Variants in PLXDC2 observed in about 807,000 individuals in gnomAD.
PLXDC2 encodes plexin domain containing 2, also known as plexin domain-containing protein 2.
PLXDC2 carries 40 observed loss-of-function variants against 68.9 expected under a neutral mutation model. The observed-to-expected ratio is 0.58, with a 90% confidence interval of 0.45 to 0.76. PLXDC2 has a LOEUF of 0.76. Ranked by LOEUF, PLXDC2 falls within the 30% of genes least tolerant of loss-of-function variation. The pLI is 0.00. For missense variants in PLXDC2, 644 were observed against 661.9 expected (o/e 0.97, Z 0.30); for synonymous variants, 243 against 234.2 (o/e 1.04, Z -0.34).
intron 1 of PLXDC2, among the ~76,000 whole-genome samples, chr10:19,960,602 A>G (rs1038417938): frequency 6.6e-6 from 1 of 152,002 alleles, no homozygotes; most frequent in African/African-American, 2.4e-5. Flanking sequence ...CTCTCCAGAT[A>G]CTCTAAAGTT....
chr10:19,991,472 C>T (rs977303924), intron 1 of PLXDC2, among the ~76,000 whole-genome samples: 1 of 150,612 alleles, frequency 6.6e-6, no homozygotes, highest in Non-Finnish European at 1.5e-5. Context: ...CAAAATATTT[C>T]ACCCCTAATA....
intron 1 of PLXDC2, among the ~76,000 whole-genome samples, chr10:19,863,859 G>A (rs1399236346): frequency 6.6e-6 from 1 of 151,922 alleles, no homozygotes; most frequent in Non-Finnish European, 1.5e-5. Context: ...TATTAGACTT[G>A]ATAAGTGTGT....
Position 20,126,388 on chromosome 10 carries a change from A to G in PLXDC2, c.542-16907A>G, listed in dbSNP as rs114123668. Among the ~76,000 whole-genome samples, 39 of 144,534 alleles carry G rather than the reference A, an allele frequency of 2.7e-4. 2 individuals are homozygous for G. The highest frequency in any genetic ancestry group is 9.9e-4 in the African/African-American group (38 of 38,492). 94.8% of individuals were successfully genotyped at this position (144,534 alleles called of 152,430 possible). A position where few individuals can be genotyped will look rare whatever the true frequency, so the allele number is the denominator to read the frequency against. On this transcript the variant is annotated intron_variant, in intron 4 of 13. Transcript: ENST00000377252. ...TATAATACATATATACATATGTGTTATATAATACATATATGTATATACAAC... is the reference window on the plus strand; with the variant it reads ...TATAATACATATATACATATGTGTTGTATAATACATATATGTATATACAAC...
chr10:20,116,111 T>G (rs1250590546), intron 4 of PLXDC2, among the ~76,000 whole-genome samples: 1 of 152,214 alleles, frequency 6.6e-6, no homozygotes, highest in Non-Finnish European at 1.5e-5. Flanking sequence ...GGAAACCAGG[T>G]TATCAATCAC....
chr10:20,090,326 A>G (rs1833259453), intron 4 of PLXDC2, among the ~76,000 whole-genome samples: 1 of 152,194 alleles, frequency 6.6e-6, no homozygotes, highest in South Asian at 2.1e-4. Context: ...CAACACCCTT[A>G]TGTTCACCAG....
At chr10:20,263,657 A>G (rs191645609) in intron 13 of PLXDC2, among the ~76,000 whole-genome samples, 5 of 152,314 alleles carry the variant, frequency 3.3e-5, no homozygotes, top group Admixed American at 2.0e-4. Context: ...AAAAGTGGGC[A>G]AAGTGGATGA....
At chr10:19,987,324 G>T (rs144961854) in intron 1 of PLXDC2, among the ~76,000 whole-genome samples, 1 of 152,002 alleles carries the variant, frequency 6.6e-6, no homozygotes, top group Admixed American at 6.6e-5. Context: ...AAACAATGTC[G>T]CTTTCTTTTT....
intron 3 of PLXDC2, among the ~76,000 whole-genome samples, chr10:20,049,545 A>G (rs780728595): frequency 8.5e-5 from 13 of 152,100 alleles, no homozygotes; most frequent in Non-Finnish European, 1.8e-4. Flanking sequence ...AGAAATCACA[A>G]GCATTCCAAT....
intron 1 of PLXDC2, among the ~76,000 whole-genome samples, chr10:19,908,919 T>C (rs1833217844): frequency 6.6e-6 from 1 of 152,196 alleles, no homozygotes; most frequent in African/African-American, 2.4e-5. Flanking sequence ...GACCACCTAA[T>C]TATCCTTAGT....
Position 19,930,650 on chromosome 10 carries a change from T to TA in PLXDC2, c.113-71119dup. The stretch of plus-strand genomic sequence containing the variant: ...TAAACCACCTAAAACAGAGCCTGTT[T>TA]AAAAAATAAATAAATAAAAAATAAA... On this transcript the variant is annotated intron_variant, in intron 1 of 13. Coordinates refer to ENST00000377252, the MANE Select transcript of PLXDC2 (RefSeq NM_032812.9). Among the ~76,000 whole-genome samples the TA allele has an allele frequency of 4.6e-5, 7 of 151,854 alleles. 1 individual carries two copies. The highest frequency in any genetic ancestry group is 4.6e-4 in the Admixed American group (7 of 15,220).
At chr10:19,886,969 A>G (rs1254476919) in intron 1 of PLXDC2, among the ~76,000 whole-genome samples, 9 of 152,176 alleles carry the variant, frequency 5.9e-5, no homozygotes, top group Non-Finnish European at 1.0e-4. Flanking sequence ...TATACTTGTG[A>G]TAGAATGAGA....
chr10:19,967,218 C>T (rs1462762239), intron 1 of PLXDC2, among the ~76,000 whole-genome samples: 1 of 152,098 alleles, frequency 6.6e-6, no homozygotes, highest in Admixed American at 6.6e-5. Flanking sequence ...CACCAATGGA[C>T]TTGTTTAGCA....
chr10:20,178,910 G>A (rs1318388258), intron 9 of PLXDC2, among the ~76,000 whole-genome samples: 1 of 152,078 alleles, frequency 6.6e-6, no homozygotes, highest in African/African-American at 2.4e-5. Context: ...TTTTAAGTTA[G>A]TTATATATCC....
intron 3 of PLXDC2, among the ~76,000 whole-genome samples, chr10:20,048,070 A>G (rs1048768145): frequency 6.6e-6 from 1 of 152,126 alleles, no homozygotes. Context: ...AAAAGAAAAC[A>G]ACTTTAACGT....
chr10:20,111,241 G>C (rs979097299), intron 4 of PLXDC2, among the ~76,000 whole-genome samples: 2 of 152,050 alleles, frequency 1.3e-5, no homozygotes, highest in Non-Finnish European at 2.9e-5. Context: ...AACATGTCTC[G>C]TATCATTTTC....
chr10:19,898,839 A>T (rs79336718), intron 1 of PLXDC2, among the ~76,000 whole-genome samples: 20 of 152,284 alleles, frequency 1.3e-4, no homozygotes, highest in African/African-American at 4.6e-4. Context: ...GGTGAATTAA[A>T]TAAATATTTA....
At chr10:19,921,677 G>C (rs1414033504) in intron 1 of PLXDC2, among the ~76,000 whole-genome samples, 1 of 152,076 alleles carries the variant, frequency 6.6e-6, no homozygotes, top group Non-Finnish European at 1.5e-5. Flanking sequence ...AGCTTTCATG[G>C]AGCCAGTGAG....
chr10:20,266,330 C>G (rs1025723683), intron 13 of PLXDC2, among the ~76,000 whole-genome samples: 4 of 149,258 alleles, frequency 2.7e-5, no homozygotes, highest in Non-Finnish European at 5.9e-5. Context: ...TTTATAGTGA[C>G]TAACCCAAAT....
intron 4 of PLXDC2, among the ~76,000 whole-genome samples, chr10:20,111,574 G>A (rs1296721964): frequency 1.3e-5 from 2 of 152,116 alleles, no homozygotes; most frequent in Non-Finnish European, 2.9e-5. Flanking sequence ...AAACTGAAAT[G>A]TTTGTTTTCT....
Sources: allele counts gnomAD v4.1 joint callset (sites outside exome capture counted in the v4.1 genomes callset), GRCh38; gene constraint gnomAD v4.1.1; transcripts MANE v1.5; gene names NCBI Gene and HGNC (gene_info 2026-07-23, HGNC 2026-07-21).